The following DNAH14 variants were observed in gnomAD, a reference collection of about 807,000 sequenced individuals.
DNAH14 encodes axonemal beta dynein heavy chain 14.
A neutral mutation model predicts 520.9 loss-of-function variants in DNAH14; 478 were observed. The ratio of observed to expected loss-of-function variants is 0.92; its 90% CI spans 0.85 to 0.99. The LOEUF (loss-of-function observed/expected upper bound fraction) is 0.99, where lower values mean the gene tolerates loss of function less well. Among genes scored for constraint, DNAH14 ranks in the 50% least tolerant of loss-of-function variants. The pLI is 0.00. For missense variants in DNAH14, 4,831 were observed against 5,234.5 expected (o/e 0.92, Z 2.38); for synonymous variants, 1,581 against 1,757.2 (o/e 0.90, Z 2.51).
chr1:225,357,869 A>G, intron 73 of DNAH14: 1 of 701,252 alleles, frequency 1.4e-6, no homozygotes, highest in Non-Finnish European at 2.6e-6. Context: ...GACAAATATC[A>G]TGTAAGTGAT....
At chr1:225,282,706 A>G (rs1482600815) in intron 54 of DNAH14, among the ~76,000 whole-genome samples, 2 of 152,230 alleles carry the variant, frequency 1.3e-5, no homozygotes, top group Non-Finnish European at 1.5e-5. Flanking sequence ...TGGCCCATCT[A>G]TGCAGCAATT....
intron 42 of DNAH14, 114 bp from the exon 43 acceptor site, chr1:225,240,479 A>T: frequency 1.6e-6 from 1 of 635,810 alleles, no homozygotes; most frequent in Non-Finnish European, 2.6e-6. Context: ...TTAGTACCTA[A>T]CTGCATTACA....
Position 225,185,373 on chromosome 1 carries a change from T to G in DNAH14, c.5618T>G (p.Leu1873Arg). ...AGAATTTTGGAAAAAGCATTAACGC[T>G]ATTACCAATTGCAGACTTCTTATCA... ...VRRILEKALT[L>R]LPIADFLSVA... The change falls in exon 37 of 86, where the codon CTA (leucine) becomes CGA (arginine). Residue 1873 changes from leucine to arginine, a missense_variant. Transcript: ENST00000682510. The G allele has an allele frequency of 6.5e-7, 1 of 1,545,078 alleles. No individual in the cohort carries two copies. Among genetic ancestry groups the G allele is most frequent in the Non-Finnish European group, 8.7e-7 (1 of 1,144,500 alleles).
At chr1:225,251,676 G>A (rs931265698) in intron 43 of DNAH14, among the ~76,000 whole-genome samples, 3 of 151,878 alleles carry the variant, frequency 2.0e-5, no homozygotes, top group Non-Finnish European at 4.4e-5. Context: ...TATAAATTAC[G>A]TATCAAACAA....
At position 225,050,315 on chromosome 1, in the gene DNAH14, AG is replaced by A; in HGVS notation, c.2019del (p.Glu673AspfsTer21). ...ACAGGAAGCATAATACATTATAAAG[AG>A]CAGACCAGATGGCCAGATTGTCACA... Reference protein sequence around the residue: ...NKTGSIIHYKEQTRWPDCHIL... With the variant: ...NKTGSIIHYKXQTRWPDCHIL... On this transcript the variant is annotated frameshift_variant, in exon 16 of 86. Transcript: ENST00000682510. LOFTEE classifies it high-confidence loss of function. 1.3e-6 allele frequency: 2 copies of A among 1,549,274 alleles called. No individual in the cohort carries two copies.
At chr1:225,358,772 G>A in intron 74 of DNAH14, 120 bp downstream of exon 74, 1 of 1,026,798 alleles carries the variant, frequency 9.7e-7, no homozygotes, top group Non-Finnish European at 1.4e-6. Context: ...ACCAGGTAGA[G>A]GTAATTGGAT....
At chr1:225,174,561 A>T (rs568673479) in intron 36 of DNAH14, among the ~76,000 whole-genome samples, 2 of 152,262 alleles carry the variant, frequency 1.3e-5, no homozygotes, top group East Asian at 3.9e-4. Context: ...TATTAGTTTT[A>T]AAAGCTTTTT....
At chr1:225,222,500 G>GGAC (rs1558072369) in intron 41 of DNAH14, among the ~76,000 whole-genome samples, 2 of 152,138 alleles carry the variant, frequency 1.3e-5, no homozygotes, top group Non-Finnish European at 2.9e-5. Flanking sequence ...ACATGGAAGG[G>GGAC]GACCCAAGAG....
intron 19 of DNAH14, among the ~76,000 whole-genome samples, chr1:225,081,008 C>T (rs2073053493): frequency 6.6e-6 from 1 of 152,214 alleles, no homozygotes; most frequent in African/African-American, 2.4e-5. Context: ...CCAGCTACCT[C>T]ACCCTGAGTA....
intron 73 of DNAH14, among the ~76,000 whole-genome samples, chr1:225,356,729 C>T (rs944501203): frequency 3.3e-5 from 5 of 152,118 alleles, no homozygotes; most frequent in African/African-American, 7.2e-5. Context: ...TAAGAAACAA[C>T]GTATCTAGGG....
chr1:225,261,058 C>G (rs867567452), intron 46 of DNAH14, among the ~76,000 whole-genome samples: 1 of 152,140 alleles, frequency 6.6e-6, no homozygotes, highest in Non-Finnish European at 1.5e-5. Flanking sequence ...TCTTTAGGGT[C>G]TCTATTAATA....
At chr1:225,340,743 G>T in intron 69 of DNAH14, 42 bp downstream of exon 69, 8 of 1,498,782 alleles carry the variant, frequency 5.3e-6, no homozygotes, top group South Asian at 1.3e-5. Context: ...TCTTTGCAAA[G>T]GATAGAATAA....
chr1:225,147,580 C>T (rs2080068459), intron 31 of DNAH14, among the ~76,000 whole-genome samples: 1 of 152,048 alleles, frequency 6.6e-6, no homozygotes, highest in South Asian at 2.1e-4. Context: ...ATCTTTTTAT[C>T]TTAGAATATT....
At chr1:224,964,070 G>C (rs1037788340) in intron 4 of DNAH14, among the ~76,000 whole-genome samples, 1 of 152,102 alleles carries the variant, frequency 6.6e-6, no homozygotes, top group African/African-American at 2.4e-5. Flanking sequence ...GATTAAGTGA[G>C]AGATGTTCTG....
intron 9 of DNAH14, among the ~76,000 whole-genome samples, chr1:225,003,544 T>C (rs2063925880): frequency 6.6e-6 from 1 of 152,034 alleles, no homozygotes. Context: ...GAAAATTAGC[T>C]CGAAAATCAG....
intron 36 of DNAH14, among the ~76,000 whole-genome samples, chr1:225,175,470 G>A (rs1445861814): frequency 1.3e-5 from 2 of 151,820 alleles, no homozygotes; most frequent in Non-Finnish European, 2.9e-5. Flanking sequence ...TTATATTTCT[G>A]TGGTATCAGC....
intron 66 of DNAH14, among the ~76,000 whole-genome samples, chr1:225,335,840 T>C (rs536199112): frequency 5.7e-5 from 4 of 69,794 alleles, no homozygotes; most frequent in East Asian, 5.9e-4. Context: ...TACATATATG[T>C]ACATACACAT....
chr1:225,029,806 A>G lies in DNAH14; in HGVS notation c.1358+5941A>G, dbSNP rs185617245. On this transcript the variant is annotated intron_variant, in intron 11 of 85. Transcript: ENST00000682510. ...AAAAGTGAGAAGAAGACAGTGTGAC[A>G]ACAGTAAAGTGATAAGAAAATAGCA... 4.2e-3 allele frequency among the ~76,000 whole-genome samples: 640 copies of G among 152,110 alleles called. 4 individuals are homozygous for G. Among genetic ancestry groups the G allele is most frequent in the African/African-American group, 0.015 (609 of 41,552 alleles).
At chr1:225,109,127 A>C (rs2076299560) in intron 23 of DNAH14, among the ~76,000 whole-genome samples, 1 of 152,098 alleles carries the variant, frequency 6.6e-6, no homozygotes, top group African/African-American at 2.4e-5. Context: ...GTTCTGTGAT[A>C]CAGTTTAAAG....
Sources: allele counts gnomAD v4.1 joint callset (sites outside exome capture counted in the v4.1 genomes callset), GRCh38; gene constraint gnomAD v4.1.1; transcripts MANE v1.5; gene names NCBI Gene and HGNC (gene_info 2026-07-23, HGNC 2026-07-21).